Variants in NPSR1 observed in about 807,000 individuals in gnomAD.
The protein encoded by NPSR1 is neuropeptide S receptor.
A neutral mutation model predicts 46.9 loss-of-function variants in NPSR1; 48 were observed. The observed-to-expected ratio is 1.02, with a 90% CI of 0.81 to 1.30. NPSR1 has a LOEUF of 1.30. Among genes scored for constraint, NPSR1 ranks in the 50% most tolerant of loss-of-function variants. NPSR1 has a pLI of 0.00. For missense variants in NPSR1, 450 were observed against 449.5 expected, an observed-to-expected ratio of 1.00 and a Z score of -0.01; for synonymous variants, 176 against 168.1, an observed-to-expected ratio of 1.05 and a Z score of -0.36.
chr7:34,745,304 T>C (rs1785148043), intron 2 of NPSR1, among the ~76,000 whole-genome samples: 1 of 152,210 alleles, frequency 6.6e-6, no homozygotes, highest in Non-Finnish European at 1.5e-5. Context: ...TATTGCTTTT[T>C]GAGTAATTTA....
At chr7:34,759,229 A>G (rs1462565917) in intron 2 of NPSR1, among the ~76,000 whole-genome samples, 1 of 152,174 alleles carries the variant, frequency 6.6e-6, no homozygotes, top group African/African-American at 2.4e-5. Context: ...CACTCACAGC[A>G]CTTACCATAC....
chr7:34,792,643 A>ATATATATATATGTATATATATTTTTT (rs1787946717), intron 3 of NPSR1, among the ~76,000 whole-genome samples: 1 of 91,514 alleles, frequency 1.1e-5, no homozygotes, highest in African/African-American at 4.0e-5. Flanking sequence ...GTGTATGTGT[A>ATATATATATATGTATATATATTTTTT]TATATATATG....
chr7:34,770,471 TACAG>T (rs1246233882), intron 2 of NPSR1, among the ~76,000 whole-genome samples: 1 of 152,118 alleles, frequency 6.6e-6, no homozygotes, highest in African/African-American at 2.4e-5. Flanking sequence ...AAAAAGCAAA[TACAG>T]ACAGGCGAAA....
intron 8 of NPSR1, among the ~76,000 whole-genome samples, chr7:34,877,489 T>C (rs1456295404): frequency 1.3e-5 from 2 of 151,982 alleles, no homozygotes; most frequent in Non-Finnish European, 2.9e-5. Context: ...GGGAAGGGGA[T>C]GGAGGTCAAG....
intron 3 of NPSR1, among the ~76,000 whole-genome samples, chr7:34,790,731 TTATATGTTATATATAA>T (rs1296367422): frequency 7.6e-6 from 1 of 131,004 alleles, no homozygotes; most frequent in Non-Finnish European, 1.6e-5. Flanking sequence ...ATGTTATATG[TTATATGTTATATATAA>T]TATATGTTAT....
At chr7:34,859,691 G>T (rs1791140022) in intron 8 of NPSR1, among the ~76,000 whole-genome samples, 1 of 151,758 alleles carries the variant, frequency 6.6e-6, no homozygotes, top group South Asian at 2.1e-4. Context: ...CTCAAACCTG[G>T]CTGCATCATG....
At chr7:34,862,398 C>T (rs958214719) in intron 8 of NPSR1, among the ~76,000 whole-genome samples, 3 of 151,762 alleles carry the variant, frequency 2.0e-5, no homozygotes, top group Non-Finnish European at 2.9e-5. Context: ...TAACTCTACC[C>T]TTTATTTTTT....
chr7:34,717,247 C>G (rs1200190670), intron 2 of NPSR1, among the ~76,000 whole-genome samples: 1 of 152,202 alleles, frequency 6.6e-6, no homozygotes, highest in Non-Finnish European at 1.5e-5. Context: ...ATTCTCCTGC[C>G]TCAGCCTCCC....
Position 34,830,736 on chromosome 7 carries a change from G to T in NPSR1, c.680+3134G>T, listed in dbSNP as rs58239450. ...AAATAACTAACTCAGTGGCTTTTCTGCCACAAATACCTCATTGTTTTACTT... is the reference window on the plus strand; with the variant it reads ...AAATAACTAACTCAGTGGCTTTTCTTCCACAAATACCTCATTGTTTTACTT... On this transcript the variant is annotated intron_variant, in intron 5 of 8. Transcript: ENST00000360581. 2.4e-3 allele frequency among the ~76,000 whole-genome samples: 372 copies of T among 152,256 alleles called. 5 individuals are homozygous for T. The highest frequency in any genetic ancestry group is 0.01 in the Middle Eastern group (3 of 294).
intron 1 of NPSR1, among the ~76,000 whole-genome samples, chr7:34,661,774 T>C (rs1394727940): frequency 2.6e-5 from 4 of 152,196 alleles, no homozygotes; most frequent in Non-Finnish European, 5.9e-5. Flanking sequence ...CCTGGCTCCC[T>C]TCACAGTTTC....
intron 8 of NPSR1, among the ~76,000 whole-genome samples, chr7:34,866,671 C>A (rs1480464991): frequency 6.6e-6 from 1 of 151,572 alleles, no homozygotes; most frequent in Non-Finnish European, 1.5e-5. Context: ...CCTAAAATAG[C>A]AGATGCCTTG....
chr7:34,873,573 A>C (rs13438423), intron 8 of NPSR1, among the ~76,000 whole-genome samples: 26,719 of 151,570 alleles, frequency 0.18, 2,796 homozygotes, highest in Non-Finnish European at 0.23. Flanking sequence ...TCAGAGCAGG[A>C]GCAAGAGAGA....
At chr7:34,674,006 T>C (rs1029065535) in intron 1 of NPSR1, among the ~76,000 whole-genome samples, 2 of 152,232 alleles carry the variant, frequency 1.3e-5, no homozygotes, top group South Asian at 2.1e-4. Context: ...CAGGGGTTGA[T>C]AGCAGGGGAG....
chr7:34,791,045 T>C (rs1400999098), intron 3 of NPSR1, among the ~76,000 whole-genome samples: 4 of 117,064 alleles, frequency 3.4e-5, no homozygotes, highest in African/African-American at 1.7e-4. Flanking sequence ...TATTATATTA[T>C]ATATGTTATA....
At chr7:34,746,459 T>C (rs982896805) in intron 2 of NPSR1, among the ~76,000 whole-genome samples, 3 of 152,216 alleles carry the variant, frequency 2.0e-5, no homozygotes, top group Admixed American at 6.5e-5. Context: ...ATCATAGTTA[T>C]GTATGTATGT....
chr7:34,691,354 C>A (rs1459911484), intron 2 of NPSR1, among the ~76,000 whole-genome samples: 1 of 152,150 alleles, frequency 6.6e-6, no homozygotes, highest in Non-Finnish European at 1.5e-5. Context: ...GACAGGAACA[C>A]AACCTCACAT....
At chr7:34,786,210 T>C (rs1787459486) in intron 3 of NPSR1, among the ~76,000 whole-genome samples, 1 of 152,182 alleles carries the variant, frequency 6.6e-6, no homozygotes, top group Admixed American at 6.6e-5. Flanking sequence ...TTTAAATTAT[T>C]TGTTATCATT....
intron 4 of NPSR1, among the ~76,000 whole-genome samples, chr7:34,823,933 C>T (rs1419401976): frequency 6.6e-6 from 1 of 152,084 alleles, no homozygotes; most frequent in Non-Finnish European, 1.5e-5. Context: ...CCTGAGCTTT[C>T]AACACTTTCC....
chr7:34,661,801 T>G (rs1791465461), intron 1 of NPSR1, among the ~76,000 whole-genome samples: 2 of 152,326 alleles, frequency 1.3e-5, no homozygotes, highest in South Asian at 4.1e-4. Flanking sequence ...TGTGTGCTTT[T>G]AAGATCACAT....
Sources: allele counts gnomAD v4.1 joint callset (sites outside exome capture counted in the v4.1 genomes callset), GRCh38; gene constraint gnomAD v4.1.1; transcripts MANE v1.5; gene names NCBI Gene and HGNC (gene_info 2026-07-23, HGNC 2026-07-21).